The following ARAP1 variants were observed in gnomAD, a reference collection of about 807,000 sequenced individuals.
The protein encoded by ARAP1 is arf-GAP with Rho-GAP domain, ANK repeat and PH domain-containing protein 1.
In ARAP1, 76 loss-of-function variants were observed where a neutral mutation model predicts 172.2. That is an observed-to-expected ratio of 0.44 (90% CI 0.37 to 0.53). The LOEUF (loss-of-function observed/expected upper bound fraction) is 0.53, where lower values mean the gene tolerates loss of function less well. Among genes scored for constraint, ARAP1 ranks in the 20% least tolerant of loss-of-function variants. The pLI is 0.00. For synonymous variants in ARAP1, 804 were observed against 803.3 expected, an observed-to-expected ratio of 1.00 and a Z score of -0.01; for missense variants, 1,686 against 1,977.5, an observed-to-expected ratio of 0.85 and a Z score of 2.80.
At position 72,707,427 on chromosome 11, in the gene ARAP1, G is replaced by A; in HGVS notation, c.1524-53C>T. 7 of 1,531,206 alleles carry A rather than the reference G, an allele frequency of 4.6e-6. No individual in the cohort carries two copies. The South Asian group carries it at 8.5e-5, about 19-fold the overall frequency. 94.9% of individuals were successfully genotyped at this position (1,531,206 alleles called of 1,614,324 possible). On this transcript the variant is annotated intron_variant, in intron 11 of 34. Coordinates refer to ENST00000393609, the MANE Select transcript of ARAP1 (RefSeq NM_001040118.3). The stretch of plus-strand genomic sequence containing the variant: ...TGGGGATGGACTCAGAGGGATTTGG[G>A]GGCAGCATGAGGATGCACAGAATGA...
rs746001868 is a variant in ARAP1, at chr11:72,707,208, T to C, written c.1690A>G (p.Asn564Asp). 2.5e-6 allele frequency: 4 copies of C among 1,602,368 alleles called. No homozygotes were observed. The East Asian group carries it at 9.0e-5, about 36-fold the overall frequency. Residue 564 changes from asparagine (N) to aspartate (D), a missense_variant, in exon 12 of 35, where the codon AAC becomes GAC. Asn to Asp is a conservative substitution (Grantham distance 23). Coordinates refer to ENST00000393609, the MANE Select transcript of ARAP1 (RefSeq NM_001040118.3). ...CGCTTGCAGATAACAACACAGAGGTTGATGGAGGCCCAGTCAGGCTGAGGA... is the reference window on the plus strand; with the variant it reads ...CGCTTGCAGATAACAACACAGAGGTCGATGGAGGCCCAGTCAGGCTGAGGA... ...GAPQPDWASINLCVVICKRCA... is the reference protein window; with the variant it reads ...GAPQPDWASIDLCVVICKRCA...
chr11:72,727,031 AC>A lies in ARAP1; in HGVS notation c.97del (p.Val33CysfsTer14). ...YTGLFEQHGLVWATECQGLSD... is the reference protein window; with the variant it reads ...YTGLFEQHGLXWATECQGLSD... ...GAGGCCTTGGCACTCAGTGGCCCAC[AC>A]CAGGCCATGCTGCTCAAAGAGCCCC... On this transcript the variant is annotated frameshift_variant, in exon 3 of 35. Transcript: ENST00000393609. LOFTEE classifies it high-confidence loss of function. The A allele has an allele frequency of 6.2e-7, 1 of 1,610,086 alleles. No homozygotes were observed. The highest frequency in any genetic ancestry group is 8.5e-7 in the Non-Finnish European group (1 of 1,178,394).
intron 12 of ARAP1, among the ~76,000 whole-genome samples, chr11:72,706,260 A>C (rs1445469181): frequency 1.3e-5 from 2 of 152,070 alleles, no homozygotes; most frequent in Non-Finnish European, 2.9e-5. Flanking sequence ...ACAACTCCTT[A>C]CCTGCTTCCC....
At chr11:72,744,711 G>C (rs1026258099) in intron 1 of ARAP1, among the ~76,000 whole-genome samples, 8 of 152,182 alleles carry the variant, frequency 5.3e-5, no homozygotes, top group African/African-American at 1.7e-4. Flanking sequence ...GGCAACATTA[G>C]AGATACTGGA....
At chr11:72,744,355 A>T (rs1858290131) in intron 1 of ARAP1, among the ~76,000 whole-genome samples, 1 of 152,186 alleles carries the variant, frequency 6.6e-6, no homozygotes, top group African/African-American at 2.4e-5. Context: ...ACTGCAAATC[A>T]GTGGCCAAAG....
At chr11:72,697,538 C>G in intron 20 of ARAP1, 52 bp from the exon 21 acceptor site, 1 of 1,612,850 alleles carries the variant, frequency 6.2e-7, no homozygotes, top group Non-Finnish European at 8.5e-7. Flanking sequence ...CCCACCCTGT[C>G]CCCAGGCCCA....
chr11:72,696,497 G>A (rs1856198832), intron 23 of ARAP1, 52 bp downstream of exon 23: 4 of 1,420,852 alleles, frequency 2.8e-6, no homozygotes, highest in Non-Finnish European at 3.8e-6. Flanking sequence ...GGTGGGGGTA[G>A]AAGAACCTTC....
intron 7 of ARAP1, 24 bp from the exon 8 acceptor site, chr11:72,711,523 G>A (rs1857009933): frequency 3.1e-6 from 5 of 1,596,254 alleles, no homozygotes; most frequent in East Asian, 2.2e-5. Context: ...GGGACAACAA[G>A]CAAATGACCG....
intron 15 of ARAP1, 65 bp downstream of exon 15, chr11:72,702,840 C>T: frequency 6.6e-7 from 1 of 1,522,512 alleles, no homozygotes; most frequent in Admixed American, 2.1e-5. Context: ...CTGAGAGCAG[C>T]AGGTAAATCA....
intron 1 of ARAP1, among the ~76,000 whole-genome samples, chr11:72,744,604 G>A (rs1161457802): frequency 4.6e-5 from 7 of 152,214 alleles, no homozygotes; most frequent in Non-Finnish European, 8.8e-5. Flanking sequence ...AGGGCCGCAC[G>A]GGCAAGTCAG....
chr11:72,744,015 A>G (rs921320246), intron 1 of ARAP1, among the ~76,000 whole-genome samples: 3 of 151,912 alleles, frequency 2.0e-5, no homozygotes, highest in African/African-American at 7.3e-5. Context: ...CTTCACCACC[A>G]AGCCTTTGCT....
chr11:72,748,413 G>A lies in ARAP1; in HGVS notation c.-128+3915C>T, dbSNP rs1858436730. Among the ~76,000 whole-genome samples the A allele has an allele frequency of 5.3e-5, 8 of 152,112 alleles. No homozygotes were observed. The South Asian group carries it at 1.7e-3, about 32-fold the overall frequency. Reference sequence around the variant, plus strand: ...CGCGTGCCTGTAATCCCAGCTACTCGGGAGGCTGAGGCAGGAGAATCGCTT... The same window carrying A: ...CGCGTGCCTGTAATCCCAGCTACTCAGGAGGCTGAGGCAGGAGAATCGCTT... On this transcript the variant is annotated intron_variant, in intron 1 of 34. Coordinates refer to ENST00000393609, the MANE Select transcript of ARAP1 (RefSeq NM_001040118.3).
chr11:72,701,793 CG>C lies in ARAP1; in HGVS notation c.2168-11del, dbSNP rs760975113. The C allele has an allele frequency of 5.6e-6, 9 of 1,612,136 alleles. No individual in the cohort carries two copies. The South Asian group carries it at 9.9e-5, about 18-fold the overall frequency. ...TCCAGCCGAGGCACCTCTTTGTAGGCGGGGAAAGGATGGCAGGTCATGCTGG... is the reference window on the plus strand; with the variant it reads ...TCCAGCCGAGGCACCTCTTTGTAGGCGGGAAAGGATGGCAGGTCATGCTGG... On this transcript the variant is annotated splice_polypyrimidine_tract_variant and intron_variant, in intron 15 of 34. Coordinates refer to ENST00000393609, the MANE Select transcript of ARAP1 (RefSeq NM_001040118.3).
rs1858192488 is a variant in ARAP1, at chr11:72,741,318, C to T, written c.-127-8721G>A. ...ACATGGCATAGCTCCTGACCCCAAC[C>T]CTCCACAGCCTCACCCCAGGACCCT... On this transcript the variant is annotated intron_variant, in intron 1 of 34. Transcript: ENST00000393609. This position sits in a 1 kb window ranked among gnomAD's most constrained non-coding sequence, Gnocchi z 4.5. Among the ~76,000 whole-genome samples the T allele has an allele frequency of 2.0e-5, 3 of 152,152 alleles. No homozygotes were observed.
chr11:72,689,141 G>A (rs968278654), intron 30 of ARAP1, among the ~76,000 whole-genome samples: 1 of 152,214 alleles, frequency 6.6e-6, no homozygotes, highest in African/African-American at 2.4e-5. Flanking sequence ...CAGACCACAG[G>A]AAGAACTTCC....
At position 72,695,598 on chromosome 11, in the gene ARAP1, C is replaced by T. The variant is rs1856152146; in HGVS notation, c.3451G>A (p.Glu1151Lys). The T allele has an allele frequency of 1.2e-6, 2 of 1,614,116 alleles. No homozygotes were observed. The highest frequency in any genetic ancestry group is 1.7e-6 in the Non-Finnish European group (2 of 1,180,036). ...VDEEELRKQR[E>K]EITAIVKMRV... ...ATCTTCACAATGGCAGTGATCTCCT[C>T]CCGCTGCTTCCTGAGCTCTTCCTCA... The change falls in exon 25 of 35, where the codon GAG becomes AAG. Residue 1151 changes from glutamate (E) to lysine (K), a missense_variant. By Grantham distance (56) the Glu-to-Lys change is moderately conservative. Transcript: ENST00000393609. This position sits in a 1 kb window ranked among gnomAD's most constrained non-coding sequence, Gnocchi z 4.4.
At position 72,725,313 on chromosome 11, in the gene ARAP1, TCTCTC is replaced by T. The variant is rs1233346346; in HGVS notation, c.509+1302_509+1306del. Reference sequence around the variant, plus strand: ...CTTCTAACCTCTCTCTCTCTCTCTCTCTCTCTTTTTCTCTCTCTCTCTCCCCCCCA... The same window carrying T: ...CTTCTAACCTCTCTCTCTCTCTCTCTTTTTTCTCTCTCTCTCTCCCCCCCA... On this transcript the variant is annotated intron_variant, in intron 3 of 34. Coordinates refer to ENST00000393609, the MANE Select transcript of ARAP1 (RefSeq NM_001040118.3). The surrounding 1 kb of genome is among the most constrained non-coding windows in gnomAD (Gnocchi z 4.3). 6.6e-6 allele frequency among the ~76,000 whole-genome samples: 1 copy of T among 151,896 alleles called. No individual in the cohort carries two copies. The highest frequency in any genetic ancestry group is 2.1e-4 in the South Asian group (1 of 4,778).
At chr11:72,691,739 C>T (rs866063234) in intron 30 of ARAP1, among the ~76,000 whole-genome samples, 4 of 152,060 alleles carry the variant, frequency 2.6e-5, no homozygotes, top group African/African-American at 9.7e-5. Flanking sequence ...GGAGCTCAGG[C>T]TAGACCACCA....
In ARAP1 at chr11:72,693,151, G is replaced by T; in HGVS notation, c.3954+174C>A. ...TGGGGCTACAGGGCACACTAGAGTG[G>T]CCGTCCAGGGCCACAGCAGGAGGGG... On this transcript the variant is annotated intron_variant, in intron 29 of 34. Transcript: ENST00000393609. The surrounding 1 kb of genome is among the most constrained non-coding windows in gnomAD (Gnocchi z 4.6). 1 of 1,036,134 alleles carries T rather than the reference G, an allele frequency of 9.7e-7. No homozygotes were observed. The highest frequency in any genetic ancestry group is 1.4e-6 in the Non-Finnish European group (1 of 732,724). The allele number at this position is 1,036,134 out of a possible 1,614,324, so 64.2% of individuals were successfully genotyped here. A position where few individuals can be genotyped will look rare whatever the true frequency, so the allele number is the denominator to read the frequency against.
Sources: allele counts gnomAD v4.1 joint callset (sites outside exome capture counted in the v4.1 genomes callset), GRCh38; gene constraint gnomAD v4.1.1; non-coding constraint Gnocchi (gnomAD v3.1); transcripts MANE v1.5; gene names NCBI Gene and HGNC (gene_info 2026-07-23, HGNC 2026-07-21).